Variants in FILIP1 observed in about 807,000 individuals in gnomAD.
FILIP1 encodes the protein filamin-A-interacting protein 1.
FILIP1 carries 61 observed loss-of-function variants against 102.1 expected under a neutral mutation model. The ratio of observed to expected loss-of-function variants is 0.60; its 90% CI spans 0.49 to 0.74. FILIP1 has a LOEUF of 0.74. FILIP1 is among the 30% of genes least tolerant of loss of function. FILIP1 has a pLI of 0.00. For synonymous variants in FILIP1, 491 were observed against 526.9 expected, an observed-to-expected ratio of 0.93 and a Z score of 0.93; for missense variants, 1,314 against 1,441.2, an observed-to-expected ratio of 0.91 and a Z score of 1.43.
Position 75,372,728 on chromosome 6 carries a change from GAGAAAGAAAGAAAGAAAGAAAGAA to G in FILIP1, c.277-9835_277-9812del, listed in dbSNP as rs71002736. 1.1e-4 allele frequency among the ~76,000 whole-genome samples: 7 copies of G among 61,424 alleles called. No individual in the cohort carries two copies. The East Asian group carries it at 2.0e-3, about 18-fold the overall frequency. 40.3% of individuals were successfully genotyped at this position (61,424 alleles called of 152,430 possible). Reference sequence around the variant, plus strand: ...AAGAAAGAAAGGAAAGAAAGAGAAAGAGAAAGAAAGAAAGAAAGAAAGAAAGAAAGAAAGAAAGAAAGAAAGAAA... The same window carrying G: ...AAGAAAGAAAGGAAAGAAAGAGAAAGAGAAAGAAAGAAAGAAAGAAAGAAA... On this transcript the variant is annotated intron_variant, in intron 2 of 5. Coordinates refer to ENST00000237172, the MANE Select transcript of FILIP1 (RefSeq NM_015687.5).
At chr6:75,292,076 A>T (rs542033404) in exon 7 of FILIP1, 1 of 152,370 alleles carries the variant, frequency 6.6e-6, no homozygotes, top group South Asian at 2.1e-4. Context: ...AGATAAGTAC[A>T]TATCCATAAA....
chr6:75,462,325 C>T (rs1197579983), intron 1 of FILIP1, among the ~76,000 whole-genome samples: 1 of 152,024 alleles, frequency 6.6e-6, no homozygotes, highest in East Asian at 1.9e-4. Flanking sequence ...CTCTGAGGCA[C>T]AAAGCTTGAC....
chr6:75,456,039 T>C (rs1778817168), intron 1 of FILIP1, among the ~76,000 whole-genome samples: 1 of 152,192 alleles, frequency 6.6e-6, no homozygotes, highest in African/African-American at 2.4e-5. Flanking sequence ...AACTACCTCT[T>C]TCTTGCAAAA....
At chr6:75,477,262 C>T (rs1050277489) in intron 1 of FILIP1, among the ~76,000 whole-genome samples, 8 of 151,912 alleles carry the variant, frequency 5.3e-5, no homozygotes, top group Admixed American at 2.6e-4. Flanking sequence ...TGATGGTTAC[C>T]GGACGCTTGG....
intron 5 of FILIP1, 46 bp from the exon 6 acceptor site, chr6:75,308,943 T>C (rs1358894706): frequency 6.2e-7 from 1 of 1,600,240 alleles, no homozygotes; most frequent in Admixed American, 1.7e-5. Context: ...GTTGGTGAGT[T>C]TCCTCTGGAT....
intron 2 of FILIP1, among the ~76,000 whole-genome samples, chr6:75,384,017 G>A (rs931864001): frequency 1.1e-4 from 16 of 151,872 alleles, no homozygotes; most frequent in South Asian, 2.1e-4. Flanking sequence ...ATTAAATTTC[G>A]TTGCCACTAA....
At position 75,317,213 on chromosome 6, in the gene FILIP1, A is replaced by G. The variant is rs543687443; in HGVS notation, c.630-2011T>C. Among the ~76,000 whole-genome samples the G allele has an allele frequency of 6.6e-5, 10 of 152,294 alleles. No individual in the cohort carries two copies. In the East Asian group the frequency reaches 1.9e-3, roughly 29 times the overall value. ...TCTCAATTTTTTCACCAGTAGAGGAAAGAGGGAGGGATATTAACCCATTTA... is the reference window on the plus strand; with the variant it reads ...TCTCAATTTTTTCACCAGTAGAGGAGAGAGGGAGGGATATTAACCCATTTA... On this transcript the variant is annotated intron_variant, in intron 4 of 5. Coordinates refer to ENST00000237172, the MANE Select transcript of FILIP1 (RefSeq NM_015687.5).
intron 1 of FILIP1, among the ~76,000 whole-genome samples, chr6:75,469,759 A>G (rs1347580147): frequency 6.6e-6 from 1 of 152,128 alleles, no homozygotes; most frequent in East Asian, 1.9e-4. Context: ...TAGCTTTTTA[A>G]TAATGAACAA....
chr6:75,346,485 G>A (rs1000315103), intron 4 of FILIP1, among the ~76,000 whole-genome samples: 1 of 152,094 alleles, frequency 6.6e-6, no homozygotes, highest in African/African-American at 2.4e-5. Context: ...TGAACCTCAA[G>A]GGCATTTTTA....
At position 75,314,109 on chromosome 6, in the gene FILIP1, A is replaced by G; in HGVS notation, c.1723T>C (p.Leu575=). Residue 575 remains leucine (L), a synonymous_variant, in exon 5 of 6, where the codon TTG becomes CTG. Transcript: ENST00000237172. ...TCTTCACTTTTCAATTTGCCTATCA[A>G]CTCATCTCTTTCTCTTGTCAAGTTG... ...VYNLTRERDE[L]IGKLKSEEEK... 1 of 1,510,600 alleles carries G rather than the reference A, an allele frequency of 6.6e-7. No homozygotes were observed. The highest frequency in any genetic ancestry group is 8.8e-7 in the Non-Finnish European group (1 of 1,138,622). The allele number at this position is 1,510,600 out of a possible 1,614,324, so 93.6% of individuals were successfully genotyped here. A position where few individuals can be genotyped will look rare whatever the true frequency, so the allele number is the denominator to read the frequency against.
At chr6:75,462,589 T>C (rs1259757782) in intron 1 of FILIP1, among the ~76,000 whole-genome samples, 2 of 152,076 alleles carry the variant, frequency 1.3e-5, no homozygotes, top group Non-Finnish European at 2.9e-5. Flanking sequence ...TGTGTGTATA[T>C]ATATATACAC....
chr6:75,464,171 A>G (rs972604749), intron 1 of FILIP1, among the ~76,000 whole-genome samples: 1 of 152,094 alleles, frequency 6.6e-6, no homozygotes, highest in Non-Finnish European at 1.5e-5. Flanking sequence ...GTTTTTATAG[A>G]CTCAGGCCTA....
chr6:75,440,499 G>C (rs1232856345), intron 1 of FILIP1, among the ~76,000 whole-genome samples: 1 of 152,236 alleles, frequency 6.6e-6, no homozygotes, highest in African/African-American at 2.4e-5. Context: ...CAACCAGTAA[G>C]AGGGAAATGC....
Position 75,414,767 on chromosome 6 carries a change from G to C in FILIP1, c.206C>G (p.Thr69Ser), listed in dbSNP as rs1777194579. 1.2e-6 allele frequency: 2 copies of C among 1,613,874 alleles called. No individual in the cohort carries two copies. Among genetic ancestry groups the C allele is most frequent in the African/African-American group, 2.7e-5 (2 of 75,024 alleles). The change falls in exon 2 of 6, where the codon ACT becomes AGT. Residue 69 changes from threonine (T) to serine (S), a missense_variant. Around this residue, in one of 3 missense-constraint regions of FILIP1, gnomAD observed 494 missense variants for 511.2 expected, o/e 0.97. Coordinates refer to ENST00000237172, the MANE Select transcript of FILIP1 (RefSeq NM_015687.5). ...TTTGGATAACTCCAGGGATTTCTTA[G>C]TTTTTCGTTCACATTCTCCAGATGT... ...LKTSGECERKTKKSLELSKED... is the reference protein window; with the variant it reads ...LKTSGECERKSKKSLELSKED...
At chr6:75,459,241 T>C (rs1417721335) in intron 1 of FILIP1, among the ~76,000 whole-genome samples, 1 of 152,208 alleles carries the variant, frequency 6.6e-6, no homozygotes, top group African/African-American at 2.4e-5. Flanking sequence ...AATGATTCCC[T>C]GCCACTGCTT....
At chr6:75,481,866 C>G (rs1357612281) in intron 1 of FILIP1, among the ~76,000 whole-genome samples, 3 of 152,116 alleles carry the variant, frequency 2.0e-5, no homozygotes, top group Non-Finnish European at 2.9e-5. Flanking sequence ...TGTTGAAATT[C>G]AACTCCTATG....
chr6:75,298,355 G>T (rs1772742504), intron 6 of FILIP1, among the ~76,000 whole-genome samples: 2 of 151,992 alleles, frequency 1.3e-5, no homozygotes, highest in Non-Finnish European at 2.9e-5. Flanking sequence ...TTTAATAAAG[G>T]GTGGTATTTA....
intron 4 of FILIP1, among the ~76,000 whole-genome samples, chr6:75,320,188 A>G (rs1773601482): frequency 6.6e-6 from 1 of 152,216 alleles, no homozygotes; most frequent in South Asian, 2.1e-4. Context: ...TGCCTGACAC[A>G]TAGGATGTGC....
intron 1 of FILIP1, among the ~76,000 whole-genome samples, chr6:75,428,228 A>G (rs937547196): frequency 2.6e-5 from 4 of 152,148 alleles, no homozygotes; most frequent in Non-Finnish European, 5.9e-5. Flanking sequence ...CACGGTTCAC[A>G]TATCAGGCAT....
Sources: allele counts gnomAD v4.1 joint callset (sites outside exome capture counted in the v4.1 genomes callset), GRCh38; gene constraint gnomAD v4.1.1; regional missense constraint gnomAD v4.1.1; transcripts MANE v1.5; gene names NCBI Gene and HGNC (gene_info 2026-07-23, HGNC 2026-07-21).